The following MKLN1 variants were observed in gnomAD, a reference collection of about 807,000 sequenced individuals.
The protein encoded by MKLN1 is muskelin 1, also known as muskelin.
A neutral mutation model predicts 99.0 loss-of-function variants in MKLN1; 18 were observed. The ratio of observed to expected loss-of-function variants is 0.18; its 90% CI spans 0.13 to 0.27. The LOEUF (loss-of-function observed/expected upper bound fraction) is 0.27. Ranked by LOEUF, MKLN1 falls within the 10% of genes least tolerant of loss-of-function variation. The probability of loss-of-function intolerance (pLI) is 1.00; values close to 1 mark genes in which losing one functional copy is unlikely to be tolerated. For missense variants in MKLN1, 621 were observed against 875.9 expected, an observed-to-expected ratio of 0.71 and a Z score of 3.67; for synonymous variants, 288 against 293.2, an observed-to-expected ratio of 0.98 and a Z score of 0.18.
At chr7:131,133,813 TAA>T (rs1563226542) in intron 1 of MKLN1, among the ~76,000 whole-genome samples, 14 of 123,812 alleles carry the variant, frequency 1.1e-4, no homozygotes, top group Non-Finnish European at 1.5e-4. Flanking sequence ...TTTTTTTTTT[TAA>T]TTTGGTTTTT....
intron 2 of MKLN1, among the ~76,000 whole-genome samples, chr7:131,160,824 C>G (rs918478567): frequency 6.6e-6 from 1 of 151,974 alleles, no homozygotes; most frequent in African/African-American, 2.4e-5. Context: ...GCCACCGCAC[C>G]TGGCCCTATG....
chr7:131,483,708 G>A (rs992207834), intron 17 of MKLN1, among the ~76,000 whole-genome samples: 1 of 152,234 alleles, frequency 6.6e-6, no homozygotes, highest in African/African-American at 2.4e-5. Flanking sequence ...ACACAAAAAT[G>A]TGGCACCAAA....
At chr7:131,259,228 T>C (rs1389057976) in intron 3 of MKLN1, among the ~76,000 whole-genome samples, 1 of 152,162 alleles carries the variant, frequency 6.6e-6, no homozygotes, top group Non-Finnish European at 1.5e-5. Flanking sequence ...GTGCATCACC[T>C]CTGGGAAACT....
chr7:131,211,013 G>T (rs1796898140), intron 3 of MKLN1, among the ~76,000 whole-genome samples: 1 of 151,710 alleles, frequency 6.6e-6, no homozygotes, highest in Non-Finnish European at 1.5e-5. Flanking sequence ...CTGGACTAGA[G>T]TATACATTTC....
chr7:131,302,703 G>C (rs1222137771), intron 3 of MKLN1, among the ~76,000 whole-genome samples: 1 of 152,138 alleles, frequency 6.6e-6, no homozygotes, highest in Non-Finnish European at 1.5e-5. Flanking sequence ...TGCTCAACCG[G>C]GATTAACTTG....
chr7:131,413,454 G>T (rs533010326), intron 7 of MKLN1, among the ~76,000 whole-genome samples: 5 of 152,166 alleles, frequency 3.3e-5, no homozygotes, highest in African/African-American at 1.2e-4. Context: ...ACTAATAGGA[G>T]AATTATGAAG....
intron 6 of MKLN1, among the ~76,000 whole-genome samples, chr7:131,405,460 A>G (rs1794674622): frequency 6.6e-6 from 1 of 152,028 alleles, no homozygotes; most frequent in South Asian, 2.1e-4. Context: ...TCCTTGACTT[A>G]TGCTCTGTTT....
intron 2 of MKLN1, among the ~76,000 whole-genome samples, chr7:131,170,165 C>T (rs189775523): frequency 3.3e-5 from 5 of 152,174 alleles, no homozygotes; most frequent in Admixed American, 2.6e-4. Flanking sequence ...ACATGATCAC[C>T]CTCATCATAG....
At chr7:131,207,005 G>A (rs952602215) in intron 3 of MKLN1, among the ~76,000 whole-genome samples, 12 of 152,146 alleles carry the variant, frequency 7.9e-5, no homozygotes, top group Non-Finnish European at 1.8e-4. Context: ...AGCTAGGTGT[G>A]GGTGTGTATG....
intron 2 of MKLN1, among the ~76,000 whole-genome samples, chr7:131,190,458 T>TG (rs1374301765): frequency 2.8e-5 from 4 of 142,916 alleles, no homozygotes; most frequent in East Asian, 4.2e-4. Context: ...CTTGCAGCTC[T>TG]GAAAAAAAAA....
intron 1 of MKLN1, among the ~76,000 whole-genome samples, chr7:131,142,266 C>A (rs1041435501): frequency 6.6e-6 from 1 of 152,024 alleles, no homozygotes; most frequent in Non-Finnish European, 1.5e-5. Flanking sequence ...AACACATTAG[C>A]CAGATGTGGT....
rs1322989450 is a variant in MKLN1, at chr7:131,222,456, G to A, written c.-179+19482G>A. Among the ~76,000 whole-genome samples the A allele has an allele frequency of 3.3e-5, 5 of 152,120 alleles. No homozygotes were observed. In the East Asian group the frequency reaches 7.7e-4, roughly 23 times the overall value. On this transcript the variant is annotated intron_variant, in intron 3 of 7. Transcript: ENST00000416992. The stretch of plus-strand genomic sequence containing the variant: ...ATGCTTTTCACTACTCCACCATGCT[G>A]CCACTCTGGTTTATGTAGAGTCTCC...
intron 16 of MKLN1, among the ~76,000 whole-genome samples, chr7:131,474,496 G>A: frequency 6.6e-6 from 1 of 152,194 alleles, no homozygotes; most frequent in Non-Finnish European, 1.5e-5. Context: ...CTTGGTATGT[G>A]TTAAAATCCT....
chr7:131,245,161 C>G lies in MKLN1; in HGVS notation c.-179+42187C>G, dbSNP rs925820258. Among the ~76,000 whole-genome samples the G allele has an allele frequency of 2.0e-5, 3 of 152,142 alleles. No homozygotes were observed. The East Asian group carries it at 5.8e-4, about 29-fold the overall frequency. ...CACTGTTATTAATTTGTTAATCTTA[C>G]TTAAAGGCCTTTGTAAAATGGTGAT... On this transcript the variant is annotated intron_variant, in intron 3 of 7. Coordinates refer to the MKLN1 transcript ENST00000416992.
At chr7:131,276,687 A>T (rs1412674089) in intron 3 of MKLN1, among the ~76,000 whole-genome samples, 3 of 152,224 alleles carry the variant, frequency 2.0e-5, no homozygotes, top group African/African-American at 7.2e-5. Flanking sequence ...GTGGACAAGC[A>T]GCATGAATGG....
intron 2 of MKLN1, among the ~76,000 whole-genome samples, chr7:131,385,990 A>T (rs1794002986): frequency 6.7e-6 from 1 of 148,422 alleles, no homozygotes; most frequent in African/African-American, 2.5e-5. Flanking sequence ...TTAAAGTTTT[A>T]GCTCTTACAT....
intron 2 of MKLN1, among the ~76,000 whole-genome samples, chr7:131,197,028 C>T (rs1265918387): frequency 6.6e-6 from 1 of 152,196 alleles, no homozygotes; most frequent in East Asian, 1.9e-4. Flanking sequence ...CCTAGGAATA[C>T]TTTTCCACAC....
intron 3 of MKLN1, among the ~76,000 whole-genome samples, chr7:131,274,641 C>T (rs1377735413): frequency 9.6e-6 from 1 of 103,994 alleles, no homozygotes; most frequent in Non-Finnish European, 1.8e-5. Context: ...AAGACCCTGT[C>T]TCAAAAAAAA....
intron 1 of MKLN1, among the ~76,000 whole-genome samples, chr7:131,346,198 A>G (rs1799554376): frequency 6.6e-6 from 1 of 152,218 alleles, no homozygotes; most frequent in Non-Finnish European, 1.5e-5. Context: ...TGATACTTTT[A>G]AAAGAACACA....
Sources: allele counts gnomAD v4.1 joint callset (sites outside exome capture counted in the v4.1 genomes callset), GRCh38; gene constraint gnomAD v4.1.1; transcripts MANE v1.5; gene names NCBI Gene and HGNC (gene_info 2026-07-23, HGNC 2026-07-21).